Variants in ICE1 observed in about 807,000 individuals in gnomAD.
ICE1 encodes the protein little elongation complex subunit 1.
ICE1 carries 64 observed loss-of-function variants against 192.7 expected under a neutral mutation model. The ratio of observed to expected loss-of-function variants is 0.33; its 90% CI spans 0.27 to 0.41. The LOEUF (loss-of-function observed/expected upper bound fraction) is 0.41. ICE1 is among the 10% of genes least tolerant of loss of function. The pLI is 1.00. For synonymous variants in ICE1, 1,010 were observed against 984.5 expected (o/e 1.03, Z -0.49); for missense variants, 2,708 against 2,696.0 (o/e 1.00, Z -0.10).
chr5:5,462,658 G>C lies in ICE1; in HGVS notation c.3324G>C (p.Glu1108Asp). 6.2e-7 allele frequency: 1 copy of C among 1,613,972 alleles called. No homozygotes were observed. The highest frequency in any genetic ancestry group is 1.3e-5 in the African/African-American group (1 of 75,024). The change falls in exon 13 of 19, where the codon GAG (glutamate) becomes GAC (aspartate). Residue 1108 changes from glutamate to aspartate, a missense_variant. Physicochemically the swap from Glu to Asp is conservative, Grantham distance 45. This residue lies in a region of ICE1 where 2,366 missense variants were observed against 2,276.6 expected (regional missense o/e 1.04). Transcript: ENST00000296564. The part of the protein sequence containing the change: ...TGIREGGDDT[E>D]VESEAFSCSE... Reference sequence around the variant, plus strand: ...TTCGAGAGGGGGGAGACGACACTGAGGTAGAGAGTGAGGCATTTAGCTGCA... The same window carrying C: ...TTCGAGAGGGGGGAGACGACACTGACGTAGAGAGTGAGGCATTTAGCTGCA...
chr5:5,454,651 C>T lies in ICE1; in HGVS notation c.691+13C>T. The T allele has an allele frequency of 6.2e-7, 1 of 1,605,204 alleles. No homozygotes were observed. Among genetic ancestry groups the T allele is most frequent in the Non-Finnish European group, 8.5e-7 (1 of 1,172,520 alleles). On this transcript the variant is annotated intron_variant, in intron 11 of 18. Coordinates refer to ENST00000296564, the MANE Select transcript of ICE1 (RefSeq NM_015325.3). ...AGGTGTGTCCCAGGTGAGAGAGAAG[C>T]TTACAGAAACCGATTTCATATGTGA...
At chr5:5,425,276 C>T (rs915162828) in intron 1 of ICE1, among the ~76,000 whole-genome samples, 1 of 152,166 alleles carries the variant, frequency 6.6e-6, no homozygotes, top group Non-Finnish European at 1.5e-5. Context: ...GTTCTCAAAA[C>T]ATCAATAAGA....
intron 17 of ICE1, among the ~76,000 whole-genome samples, chr5:5,480,389 A>G (rs1038831609): frequency 5.9e-5 from 9 of 151,538 alleles, no homozygotes; most frequent in African/African-American, 2.2e-4. Flanking sequence ...AGCTGGGACT[A>G]CAGGCGCCCG....
At chr5:5,467,024 A>G (rs967917394) in intron 14 of ICE1, among the ~76,000 whole-genome samples, 1 of 152,186 alleles carries the variant, frequency 6.6e-6, no homozygotes, top group Non-Finnish European at 1.5e-5. Context: ...AGTATTTTTA[A>G]ATCATATGAT....
intron 12 of ICE1, among the ~76,000 whole-genome samples, chr5:5,460,103 T>C (rs776928562): frequency 1.3e-4 from 20 of 151,942 alleles, no homozygotes; most frequent in Non-Finnish European, 1.3e-4. Flanking sequence ...TGTTACTAGA[T>C]GATGGGGAAG....
At position 5,473,693 on chromosome 5, in the gene ICE1, A is replaced by G. The variant is rs1351374938; in HGVS notation, c.6358A>G (p.Ile2120Val). The change falls in exon 16 of 19, where the codon ATT becomes GTT. Residue 2120 changes from isoleucine to valine, a missense_variant. Physicochemically the swap from Ile to Val is conservative, Grantham distance 29. Transcript: ENST00000296564. ...SDNTWEYIFA[I>V]DLLCCHQKWI... ...TAACACTTGGGAATACATATTTGCC[A>G]TTGATCTGCTCTGCTGCCATCAGAA... The G allele has an allele frequency of 3.7e-6, 6 of 1,613,362 alleles. No individual in the cohort carries two copies. The highest frequency in any genetic ancestry group is 4.2e-6 in the Non-Finnish European group (5 of 1,179,714).
chr5:5,429,392 G>A (rs149600983), intron 1 of ICE1, among the ~76,000 whole-genome samples: 151 of 152,278 alleles, frequency 9.9e-4, no homozygotes, highest in Non-Finnish European at 1.6e-3. Flanking sequence ...TTGCAAGCAG[G>A]TCTTGCTAAG....
chr5:5,437,048 A>G, intron 2 of ICE1, 32 bp from the exon 3 acceptor site: 1 of 1,330,696 alleles, frequency 7.5e-7, no homozygotes, highest in South Asian at 1.3e-5. Flanking sequence ...CTAAATTAAA[A>G]AGTAACCTAA....
intron 10 of ICE1, among the ~76,000 whole-genome samples, chr5:5,450,899 A>G (rs890775910): frequency 6.6e-6 from 1 of 152,186 alleles, no homozygotes; most frequent in Non-Finnish European, 1.5e-5. Flanking sequence ...GAGACTTCAC[A>G]ATGTTTTTTA....
chr5:5,450,831 A>G (rs980356521), intron 10 of ICE1, among the ~76,000 whole-genome samples: 5 of 152,296 alleles, frequency 3.3e-5, no homozygotes, highest in East Asian at 1.9e-4. Context: ...GTGTGAAACG[A>G]TGTCAAGCAA....
At chr5:5,427,168 C>T (rs1427208698) in intron 1 of ICE1, among the ~76,000 whole-genome samples, 1 of 152,188 alleles carries the variant, frequency 6.6e-6, no homozygotes, top group Non-Finnish European at 1.5e-5. Flanking sequence ...TGCAGATTGA[C>T]TACATTTTCT....
chr5:5,435,385 CTA>C (rs576573379), intron 1 of ICE1, among the ~76,000 whole-genome samples: 151 of 152,246 alleles, frequency 9.9e-4, no homozygotes, highest in African/African-American at 3.3e-3. Context: ...ATCTGGAAAA[CTA>C]TTGGGATAAT....
intron 3 of ICE1, among the ~76,000 whole-genome samples, chr5:5,438,802 G>A (rs1370908416): frequency 6.6e-6 from 1 of 152,098 alleles, no homozygotes; most frequent in Non-Finnish European, 1.5e-5. Context: ...ATTATTCCTG[G>A]ATTTCAGAAG....
chr5:5,483,291 C>T (rs1328067922), intron 17 of ICE1, among the ~76,000 whole-genome samples: 4 of 152,120 alleles, frequency 2.6e-5, no homozygotes, highest in Admixed American at 6.5e-5. Flanking sequence ...CCACCATGCC[C>T]GGCCACTGTC....
intron 18 of ICE1, among the ~76,000 whole-genome samples, chr5:5,487,205 A>T (rs1330047093): frequency 6.6e-6 from 1 of 152,172 alleles, no homozygotes; most frequent in Non-Finnish European, 1.5e-5. Context: ...ATGTACAGTG[A>T]GATGCCAGGT....
At chr5:5,471,886 G>A (rs1305080082) in intron 15 of ICE1, among the ~76,000 whole-genome samples, 5 of 152,078 alleles carry the variant, frequency 3.3e-5, no homozygotes, top group Non-Finnish European at 5.9e-5. Flanking sequence ...TTCTGGTGGA[G>A]GTGATAAAAT....
rs773028482 is a variant in ICE1 at position 5,462,642 on chromosome 5, G to C, written c.3308G>C (p.Gly1103Ala). ...TLHCYTGIREGGDDTEVESEA... is the reference protein window; with the variant it reads ...TLHCYTGIREAGDDTEVESEA... Reference sequence around the variant, plus strand: ...CATTGTTACACAGGCATTCGAGAGGGGGGAGACGACACTGAGGTAGAGAGT... The same window carrying C: ...CATTGTTACACAGGCATTCGAGAGGCGGGAGACGACACTGAGGTAGAGAGT... Residue 1103 changes from glycine to alanine, a missense_variant, in exon 13 of 19, where the codon GGG becomes GCG. Gly to Ala is a moderately conservative substitution (Grantham distance 60). Coordinates refer to ENST00000296564, the MANE Select transcript of ICE1 (RefSeq NM_015325.3). 2 of 1,613,972 alleles carry C rather than the reference G, an allele frequency of 1.2e-6. No homozygotes were observed. The highest frequency in any genetic ancestry group is 1.7e-6 in the Non-Finnish European group (2 of 1,179,892).
intron 1 of ICE1, among the ~76,000 whole-genome samples, chr5:5,425,978 G>A (rs1257737321): frequency 1.3e-5 from 2 of 152,206 alleles, no homozygotes; most frequent in South Asian, 4.1e-4. Context: ...AACTGTGGTA[G>A]ATACAGGAGG....
At chr5:5,442,707 A>G (rs1012444782) in intron 5 of ICE1, among the ~76,000 whole-genome samples, 4 of 152,232 alleles carry the variant, frequency 2.6e-5, no homozygotes, top group Non-Finnish European at 4.4e-5. Context: ...AGAACTCTCA[A>G]TAACAGTGTC....
Sources: allele counts gnomAD v4.1 joint callset (sites outside exome capture counted in the v4.1 genomes callset), GRCh38; gene constraint gnomAD v4.1.1; regional missense constraint gnomAD v4.1.1; transcripts MANE v1.5; gene names NCBI Gene and HGNC (gene_info 2026-07-23, HGNC 2026-07-21).